The following CA11 variants were observed in gnomAD, a reference collection of about 807,000 sequenced individuals.
The protein encoded by CA11 is carbonic anhydrase 11 (inactive), also known as carbonic anhydrase-related protein 11.
Under a neutral mutation model 39.3 loss-of-function variants are expected in CA11, and 20 were observed. That is an observed-to-expected ratio of 0.51 (90% CI 0.36 to 0.74). CA11 has a LOEUF of 0.74. Among genes scored for constraint, CA11 ranks in the 30% least tolerant of loss-of-function variants. The probability of loss-of-function intolerance (pLI) is 0.00; values close to 1 mark genes in which losing one functional copy is unlikely to be tolerated. For synonymous variants in CA11, 166 were observed against 172.5 expected (o/e 0.96, Z 0.29); for missense variants, 336 against 424.6 (o/e 0.79, Z 1.83).
At position 48,645,896 on chromosome 19, in the gene CA11, T is replaced by G. The variant is rs1457604068; in HGVS notation, c.-264A>C. 7 of 506,550 alleles carry G rather than the reference T, an allele frequency of 1.4e-5. 1 individual carries two copies. The highest frequency in any genetic ancestry group is 2.4e-5 in the Non-Finnish European group (7 of 290,314). 31.4% of individuals were successfully genotyped at this position (506,550 alleles called of 1,614,324 possible). ...AACCCTCCAGTCTCCCTCTAGCTCC[T>G]GATCTTCCTACTCCTCTCAGCCTTC... On this transcript the variant is annotated 5_prime_UTR_variant, in exon 1 of 9. Transcript: ENST00000084798.
intron 3 of CA11, 130 bp downstream of exon 3, chr19:48,644,297 G>T: frequency 1.4e-6 from 1 of 736,760 alleles, no homozygotes; most frequent in Non-Finnish European, 2.1e-6. Flanking sequence ...AGTGTAAGCA[G>T]CCTCCTCTCC....
chr19:48,638,637 G>A (rs182756577), intron 8 of CA11, among the ~76,000 whole-genome samples: 1 of 152,234 alleles, frequency 6.6e-6, no homozygotes, highest in East Asian at 1.9e-4. Context: ...GAAGGCAGGG[G>A]TCAAGGGTTA....
Position 48,638,037 on chromosome 19 carries a change from T to G in CA11, c.*82A>C. On this transcript the variant is annotated 3_prime_UTR_variant, in exon 9 of 9. Transcript: ENST00000084798. ...AGAAAACAGGAAGTATTCTGTCCCT[T>G]TAATAGCTTTGTTTTAGGGGTAACT... The G allele has an allele frequency of 9.6e-7, 1 of 1,041,012 alleles. No individual in the cohort carries two copies. Among genetic ancestry groups the G allele is most frequent in the Non-Finnish European group, 1.3e-6 (1 of 745,428 alleles). The allele number at this position is 1,041,012 out of a possible 1,614,324, so 64.5% of individuals were successfully genotyped here. A position where few individuals can be genotyped will look rare whatever the true frequency, so the allele number is the denominator to read the frequency against.
Position 48,643,787 on chromosome 19 carries a change from T to G in CA11, c.285+640A>C, listed in dbSNP as rs1173435682. Among the ~76,000 whole-genome samples, 3 of 152,106 alleles carry G rather than the reference T, an allele frequency of 2.0e-5. No individual in the cohort carries two copies. The highest frequency in any genetic ancestry group is 7.2e-5 in the African/African-American group (3 of 41,428). ...TGTGTCAGTTTCTGCATGTATATAATAAGGTTAATAATTGTACCCATTTTG... is the reference window on the plus strand; with the variant it reads ...TGTGTCAGTTTCTGCATGTATATAAGAAGGTTAATAATTGTACCCATTTTG... On this transcript the variant is annotated intron_variant, in intron 3 of 8. Transcript: ENST00000084798. The surrounding 1 kb of genome is among the most constrained non-coding windows in gnomAD (Gnocchi z 4.3).
In CA11 at chr19:48,640,367, C is replaced by CTTT. The variant is rs11372081; in HGVS notation, c.286-90_286-88dup. 1,648 of 323,504 alleles carry CTTT rather than the reference C, an allele frequency of 5.1e-3. 28 individuals carry two copies. Among genetic ancestry groups the CTTT allele is most frequent in the Admixed American group, 0.021 (315 of 15,356 alleles). 20.0% of individuals were successfully genotyped at this position (323,504 alleles called of 1,614,324 possible). A position where few individuals can be genotyped will look rare whatever the true frequency, so the allele number is the denominator to read the frequency against. ...GCCTACATTTTCTGATTCCAACAGT[C>CTTT]TTTTTTTTTTTTTTTTTTTTTTTTG... On this transcript the variant is annotated intron_variant, in intron 3 of 8. Transcript: ENST00000084798.
At chr19:48,640,306 G>C in intron 3 of CA11, 26 bp from the exon 4 acceptor site, 1 of 1,596,112 alleles carries the variant, frequency 6.3e-7, no homozygotes, top group Non-Finnish European at 8.5e-7. Context: ...GAGCTGTCAG[G>C]GGGCAGGGAG....
At position 48,643,302 on chromosome 19, in the gene CA11, C is replaced by T. The variant is rs144210283; in HGVS notation, c.285+1125G>A. On this transcript the variant is annotated intron_variant, in intron 3 of 8. Transcript: ENST00000084798. The surrounding 1 kb of genome is among the most constrained non-coding windows in gnomAD (Gnocchi z 4.3). ...TCAGCTCACTGCAACCTCCGCCTCC[C>T]GGGTTCAAGCAATTCTCCTGCCTCA... 9.2e-5 allele frequency among the ~76,000 whole-genome samples: 14 copies of T among 152,240 alleles called. 1 individual carries two copies. In the East Asian group the frequency reaches 1.9e-3, roughly 21 times the overall value.
intron 3 of CA11, among the ~76,000 whole-genome samples, chr19:48,640,561 A>T (rs2031042659): frequency 1.3e-5 from 2 of 150,478 alleles, no homozygotes; most frequent in Admixed American, 6.6e-5. Flanking sequence ...TTTAGTAGAG[A>T]CAGGGTTTCT....
rs761018211 is a variant in CA11, at chr19:48,639,570, T to C, written c.619A>G (p.Ile207Val). Reference sequence around the variant, plus strand: ...TTACTCTTGTAGGAGATGCGAGTGATGGTGTCGCGGTTAAGGAGGCGACTG... The same window carrying C: ...TTACTCTTGTAGGAGATGCGAGTGACGGTGTCGCGGTTAAGGAGGCGACTG... ...FLSRLLNRDT[I>V]TRISYKNDAY... is the part of the protein sequence containing the mutation. Residue 207 changes from isoleucine (I) to valine (V), a missense_variant, in exon 6 of 9, where the codon ATC becomes GTC. Physicochemically the swap from Ile to Val is conservative, Grantham distance 29 (BLOSUM62 3). Transcript: ENST00000084798. 7 of 1,613,838 alleles carry C rather than the reference T, an allele frequency of 4.3e-6. No individual in the cohort carries two copies. In the Admixed American group the frequency reaches 6.7e-5, roughly 15 times the overall value.
chr19:48,645,367 G>T, intron 2 of CA11, 36 bp downstream of exon 2: 1 of 1,545,688 alleles, frequency 6.5e-7, no homozygotes, highest in Non-Finnish European at 8.8e-7. Flanking sequence ...GAGGCGCCGG[G>T]AGGGCCGGAC....
rs1266631950 is a variant in CA11, at chr19:48,644,426, C to T, written c.285+1G>A. On this transcript the variant is annotated splice_donor_variant, in intron 3 of 8. Transcript: ENST00000084798. LOFTEE classifies it high-confidence loss of function. Reference sequence around the variant, plus strand: ...ATAGCTCCTCCCTCCAAGCCCCTTACCTTCTCTCCTCCAGTGCTGAGCCTT... The same window carrying T: ...ATAGCTCCTCCCTCCAAGCCCCTTATCTTCTCTCCTCCAGTGCTGAGCCTT... 6.3e-7 allele frequency: 1 copy of T among 1,587,454 alleles called. No individual in the cohort carries two copies. Among genetic ancestry groups the T allele is most frequent in the African/African-American group, 1.3e-5 (1 of 74,288 alleles).
intron 3 of CA11, among the ~76,000 whole-genome samples, chr19:48,641,533 C>T (rs11880333): frequency 0.15 from 23,560 of 152,214 alleles, 3,463 homozygotes; most frequent in African/African-American, 0.37. Flanking sequence ...GCTTAATTAA[C>T]TACATCCTGA....
rs779405514 is a variant in CA11 at position 48,645,328 on chromosome 19, G to C, written c.142+75C>G. The C allele has an allele frequency of 1.7e-4, 223 of 1,333,000 alleles. 1 individual carries two copies. Among genetic ancestry groups the C allele is most frequent in the Non-Finnish European group, 2.1e-4 (201 of 953,352 alleles). 82.6% of individuals were successfully genotyped at this position (1,333,000 alleles called of 1,614,324 possible). On this transcript the variant is annotated intron_variant, in intron 2 of 8. Coordinates refer to ENST00000084798, the MANE Select transcript of CA11 (RefSeq NM_001217.5). The stretch of plus-strand genomic sequence containing the variant: ...TGGTCCTGGGGGGGAGGAGGGAGCT[G>C]GGAACCCAGGTTCCTGAGTCTGAAG...
chr19:48,638,079 G>T lies in CA11; in HGVS notation c.*40C>A. ...GGGGTAACTCCCCTCGCCTTGTGGG[G>T]AGGCTTAGGACGGGCGGGTGCAATC... is the stretch of plus-strand genomic sequence containing the variant. On this transcript the variant is annotated 3_prime_UTR_variant, in exon 9 of 9. Transcript: ENST00000084798. The T allele has an allele frequency of 7.0e-7, 1 of 1,437,244 alleles. No individual in the cohort carries two copies. Among genetic ancestry groups the T allele is most frequent in the Non-Finnish European group, 9.2e-7 (1 of 1,087,530 alleles). The allele number at this position is 1,437,244 out of a possible 1,614,324, so 89.0% of individuals were successfully genotyped here.
chr19:48,639,153 GTTCTC>G, intron 7 of CA11, 100 bp from the exon 8 acceptor site: 1 of 1,537,406 alleles, frequency 6.5e-7, no homozygotes, highest in Non-Finnish European at 8.9e-7. Context: ...GGCGGGGTCT[GTTCTC>G]AGCCCCACCC....
At chr19:48,640,767 C>T (rs1369446639) in intron 3 of CA11, among the ~76,000 whole-genome samples, 1 of 151,700 alleles carries the variant, frequency 6.6e-6, no homozygotes, top group African/African-American at 2.4e-5. Context: ...CTCCGCCTCC[C>T]GGGTTCACGC....
At position 48,643,649 on chromosome 19, in the gene CA11, T is replaced by G. The variant is rs1000649208; in HGVS notation, c.285+778A>C. On this transcript the variant is annotated intron_variant, in intron 3 of 8. Transcript: ENST00000084798. This position sits in a 1 kb window ranked among gnomAD's most constrained non-coding sequence, Gnocchi z 4.3. Reference sequence around the variant, plus strand: ...CAATTCCAAAAAAAAAAAAAAAAAGTATGGTTCCCAGCATGGTACTATAAA... The same window carrying G: ...CAATTCCAAAAAAAAAAAAAAAAAGGATGGTTCCCAGCATGGTACTATAAA... Among the ~76,000 whole-genome samples, 34 of 147,010 alleles carry G rather than the reference T, an allele frequency of 2.3e-4. No homozygotes were observed. The highest frequency in any genetic ancestry group is 5.0e-4 in the Non-Finnish European group (33 of 66,550).
chr19:48,645,335 C>T (rs1292538850), intron 2 of CA11, 68 bp downstream of exon 2: 8 of 1,402,520 alleles, frequency 5.7e-6, no homozygotes, highest in Non-Finnish European at 7.9e-6. Flanking sequence ...GCTGGGAACC[C>T]AGGTTCCTGA....
intron 3 of CA11, among the ~76,000 whole-genome samples, chr19:48,642,661 C>T (rs1437776156): frequency 6.6e-6 from 1 of 152,084 alleles, no homozygotes; most frequent in Non-Finnish European, 1.5e-5. Context: ...TTTTAAACAT[C>T]TCTCTAGCTG....
Sources: gnomAD v4.1 joint callset for allele counts (sites outside exome capture counted in the v4.1 genomes callset) on GRCh38, gnomAD v4.1.1 for gene constraint, Gnocchi (gnomAD v3.1) non-coding constraint, MANE v1.5 for transcripts, NCBI Gene and HGNC (gene_info 2026-07-23, HGNC 2026-07-21) for gene names.